The following NFKB1 variants were observed in gnomAD, a reference collection of about 807,000 sequenced individuals.
NFKB1 encodes the protein nuclear factor NF-kappa-B p105 subunit.
A neutral mutation model predicts 105.1 loss-of-function variants in NFKB1; 9 were observed. That is an observed-to-expected ratio of 0.09 (90% CI 0.05 to 0.15). The LOEUF is 0.15. NFKB1 is among the 10% of genes least tolerant of loss of function. The probability of loss-of-function intolerance (pLI) is 1.00; values close to 1 mark genes in which losing one functional copy is unlikely to be tolerated. For synonymous variants in NFKB1, 440 were observed against 442.2 expected (o/e 1.00, Z 0.06); for missense variants, 830 against 1,203.7 (o/e 0.69, Z 4.59).
At chr4:102,582,746 T>C in intron 9 of NFKB1, 120 bp from the exon 10 acceptor site, 1 of 562,678 alleles carries the variant, frequency 1.8e-6, no homozygotes, top group Non-Finnish European at 3.0e-6. Flanking sequence ...CTTTTGATCT[T>C]GTTTTTTAAA....
At chr4:102,560,902 G>A (rs564437143) in intron 5 of NFKB1, among the ~76,000 whole-genome samples, 11 of 152,242 alleles carry the variant, frequency 7.2e-5, no homozygotes, top group African/African-American at 2.2e-4. Flanking sequence ...TAGTCCCCAC[G>A]GCAGCCCTCT....
Position 102,567,106 on chromosome 4 carries a change from A to G in NFKB1, c.378A>G (p.Val126=). The G allele has an allele frequency of 1.9e-6, 3 of 1,613,856 alleles. No homozygotes were observed. Among genetic ancestry groups the G allele is most frequent in the Non-Finnish European group, 2.5e-6 (3 of 1,179,788 alleles). Residue 126 remains valine (V), a synonymous_variant, in exon 6 of 24, where the codon GTA becomes GTG. Transcript: ENST00000226574. ...ACTGTGAGGATGGGATCTGCACTGT[A>G]ACTGCTGGACCCAAGGACATGGTGG... The part of the protein sequence containing the change: ...GKHCEDGICT[V]TAGPKDMVVG...
chr4:102,521,170 A>C (rs2149108635), intron 1 of NFKB1, among the ~76,000 whole-genome samples: 1 of 152,326 alleles, frequency 6.6e-6, no homozygotes, highest in Non-Finnish European at 1.5e-5. Flanking sequence ...ATTTTTTTAC[A>C]CACTTGCTCA....
At chr4:102,502,839 T>C (rs371000264) in intron 1 of NFKB1, among the ~76,000 whole-genome samples, 1 of 152,310 alleles carries the variant, frequency 6.6e-6, no homozygotes. Flanking sequence ...TCTGAAAAAA[T>C]GCTTATGGTA....
intron 5 of NFKB1, among the ~76,000 whole-genome samples, chr4:102,540,857 A>G (rs1370468778): frequency 2.0e-5 from 3 of 152,106 alleles, no homozygotes; most frequent in Non-Finnish European, 4.4e-5. Context: ...CTTTAAGTTT[A>G]CAAAGGAATT....
intron 6 of NFKB1, among the ~76,000 whole-genome samples, chr4:102,573,739 T>TC (rs1724578661): frequency 6.6e-6 from 1 of 152,264 alleles, no homozygotes; most frequent in East Asian, 1.9e-4. Flanking sequence ...ATCTTTTTTT[T>TC]CTCTTTCATT....
chr4:102,598,810 G>C (rs1404132511), intron 15 of NFKB1, among the ~76,000 whole-genome samples: 14 of 152,196 alleles, frequency 9.2e-5, no homozygotes, highest in Non-Finnish European at 1.6e-4. Context: ...AGGAAGTGCT[G>C]ATATCTGAAG....
chr4:102,557,891 C>A (rs1200277967), intron 5 of NFKB1, among the ~76,000 whole-genome samples: 1 of 152,068 alleles, frequency 6.6e-6, no homozygotes, highest in African/African-American at 2.4e-5. Flanking sequence ...TCCTTTTTAC[C>A]AGATACTGTA....
chr4:102,594,808 T>C lies in NFKB1; in HGVS notation c.1211-84T>C, dbSNP rs1578807253. The C allele has an allele frequency of 3.2e-6, 3 of 951,746 alleles. No individual in the cohort carries two copies. The East Asian group carries it at 7.3e-5, about 23-fold the overall frequency. The allele number at this position is 951,746 out of a possible 1,614,324, so 59.0% of individuals were successfully genotyped here. ...TGTCCTGTCACACCAAAGGCTGTGC[T>C]CACCTGAGAGACAGACACTAAGTTG... is the stretch of plus-strand genomic sequence containing the variant. On this transcript the variant is annotated intron_variant, in intron 12 of 23. Coordinates refer to ENST00000226574, the MANE Select transcript of NFKB1 (RefSeq NM_003998.4).
At chr4:102,579,746 G>A (rs1043002858) in intron 8 of NFKB1, among the ~76,000 whole-genome samples, 5 of 151,068 alleles carry the variant, frequency 3.3e-5, no homozygotes, top group East Asian at 3.9e-4. Context: ...CAACTTTCTT[G>A]TTTGATTATG....
intron 5 of NFKB1, among the ~76,000 whole-genome samples, chr4:102,547,796 G>C (rs1282036142): frequency 6.6e-6 from 1 of 152,034 alleles, no homozygotes; most frequent in Non-Finnish European, 1.5e-5. Flanking sequence ...AATCAGTATT[G>C]CTTCCACTGT....
At chr4:102,595,064 C>T (rs1578807662) in intron 13 of NFKB1, 83 bp downstream of exon 13, 1 of 825,018 alleles carries the variant, frequency 1.2e-6, no homozygotes, top group African/African-American at 1.7e-5. Flanking sequence ...TTACTTATCA[C>T]AACAGTATTA....
intron 1 of NFKB1, among the ~76,000 whole-genome samples, chr4:102,512,300 T>C (rs1262781220): frequency 6.6e-6 from 1 of 152,196 alleles, no homozygotes; most frequent in Non-Finnish European, 1.5e-5. Flanking sequence ...CACCTATTTC[T>C]CCCCACTCAG....
rs4699030 is a variant in NFKB1 at position 102,582,667 on chromosome 4, G to C, written c.836-199G>C. On this transcript the variant is annotated intron_variant, in intron 9 of 23. Coordinates refer to ENST00000226574, the MANE Select transcript of NFKB1 (RefSeq NM_003998.4). Reference sequence around the variant, plus strand: ...TAGTATTCTGTCATTGTGAATGAAAGTTGGGGCGCATTACTGTGGTAAATA... The same window carrying C: ...TAGTATTCTGTCATTGTGAATGAAACTTGGGGCGCATTACTGTGGTAAATA... Among the ~76,000 whole-genome samples the C allele has an allele frequency of 0.41, 62,456 of 151,854 alleles. 13,032 individuals carry two copies. The highest frequency in any genetic ancestry group is 0.48 in the Admixed American group (7,370 of 15,236).
chr4:102,537,731 TCA>T (rs199492659), intron 4 of NFKB1, 125 bp from the exon 5 acceptor site: 324,904 of 542,614 alleles, frequency 0.6, 98,740 homozygotes, highest in South Asian at 0.71. Flanking sequence ...GAGCCCTCTT[TCA>T]CAGTTTCATG....
chr4:102,580,501 A>G, intron 8 of NFKB1, 34 bp from the exon 9 acceptor site: 1 of 1,577,750 alleles, frequency 6.3e-7, no homozygotes, highest in Admixed American at 1.7e-5. Context: ...CTGAGGATTA[A>G]TCATGTTATT....
At chr4:102,582,507 C>G (rs1018815892) in intron 9 of NFKB1, among the ~76,000 whole-genome samples, 1 of 152,146 alleles carries the variant, frequency 6.6e-6, no homozygotes, top group Non-Finnish European at 1.5e-5. Flanking sequence ...TTATGTACAT[C>G]TATATATTGA....
At chr4:102,560,868 A>T (rs1445318699) in intron 5 of NFKB1, among the ~76,000 whole-genome samples, 1 of 152,218 alleles carries the variant, frequency 6.6e-6, no homozygotes. Context: ...CTTTAATAGT[A>T]CCTACCATGT....
chr4:102,565,722 C>G (rs1038930031), intron 5 of NFKB1, among the ~76,000 whole-genome samples: 1 of 152,090 alleles, frequency 6.6e-6, no homozygotes, highest in Non-Finnish European at 1.5e-5. Context: ...TCCCTTTCCT[C>G]CTTCCTTTTC....
Sources: gnomAD v4.1 joint callset for allele counts (sites outside exome capture counted in the v4.1 genomes callset) on GRCh38, gnomAD v4.1.1 for gene constraint, MANE v1.5 for transcripts, NCBI Gene and HGNC (gene_info 2026-07-23, HGNC 2026-07-21) for gene names.